The following SLC16A7 variants were observed in gnomAD, a reference collection of about 807,000 sequenced individuals.
SLC16A7 encodes monocarboxylate transporter 2.
SLC16A7 carries 33 observed loss-of-function variants against 34.9 expected under a neutral mutation model. That is an observed-to-expected ratio of 0.94 (90% CI 0.72 to 1.26). SLC16A7 has a LOEUF of 1.26. Among genes scored for constraint, SLC16A7 ranks in the 50% most tolerant of loss-of-function variants. The pLI, the probability that SLC16A7 is intolerant of heterozygous loss-of-function variation, is 0.00. For synonymous variants in SLC16A7, 201 were observed against 206.6 expected (o/e 0.97, Z 0.23); for missense variants, 573 against 578.1 (o/e 0.99, Z 0.09).
chr12:59,704,465 G>A (rs1002151893), intron 2 of SLC16A7, among the ~76,000 whole-genome samples: 1 of 152,070 alleles, frequency 6.6e-6, no homozygotes, highest in African/African-American at 2.4e-5. Context: ...TTAGAGCTAT[G>A]ACTGATGTAT....
intron 2 of SLC16A7, chr12:59,664,593 T>C (rs1303041833): frequency 6.6e-6 from 1 of 152,134 alleles, no homozygotes; most frequent in Non-Finnish European, 1.5e-5. Flanking sequence ...AATCACGCAA[T>C]GGAAAATGTG....
intron 3 of SLC16A7, among the ~76,000 whole-genome samples, chr12:59,755,135 C>T (rs928767625): frequency 6.6e-6 from 1 of 152,142 alleles, no homozygotes; most frequent in South Asian, 2.1e-4. Flanking sequence ...ATGACAAACC[C>T]ACAGCCAATA....
chr12:59,709,442 G>A (rs1238399453), intron 3 of SLC16A7, among the ~76,000 whole-genome samples: 2 of 151,370 alleles, frequency 1.3e-5, no homozygotes, highest in Non-Finnish European at 2.9e-5. Flanking sequence ...GCAGGTTGGT[G>A]GTCATAATGT....
At chr12:59,602,692 C>T (rs575689771) in intron 1 of SLC16A7, among the ~76,000 whole-genome samples, 2 of 152,016 alleles carry the variant, frequency 1.3e-5, no homozygotes, top group East Asian at 3.9e-4. Flanking sequence ...ACCATATTGG[C>T]CAGGCTGGTC....
At chr12:59,707,042 C>T (rs1351144580) in intron 3 of SLC16A7, among the ~76,000 whole-genome samples, 5 of 152,098 alleles carry the variant, frequency 3.3e-5, no homozygotes. Flanking sequence ...TATTCCATCA[C>T]CCAAGGCTTT....
intron 2 of SLC16A7, among the ~76,000 whole-genome samples, chr12:59,703,526 A>C (rs903202876): frequency 6.6e-6 from 1 of 152,202 alleles, no homozygotes; most frequent in Non-Finnish European, 1.5e-5. Context: ...GACATGTAAA[A>C]TATATTTATA....
At chr12:59,685,075 T>C (rs1029922729) in intron 2 of SLC16A7, among the ~76,000 whole-genome samples, 21 of 152,190 alleles carry the variant, frequency 1.4e-4, no homozygotes, top group African/African-American at 5.1e-4. Context: ...AAGAGAAGTT[T>C]TTCTTTTCTC....
chr12:59,775,450 A>T lies in SLC16A7; in HGVS notation c.1155A>T (p.Pro385=). 6.2e-7 allele frequency: 1 copy of T among 1,613,738 alleles called. No individual in the cohort carries two copies. Among genetic ancestry groups the T allele is most frequent in the South Asian group, 1.1e-5 (1 of 91,038 alleles). ...TTGTCACAATTGTGGAGTGTGGCCC[A>T]GTTCTTCTTGGCCCTCCTCTTGCAG... ...VGLVTIVECG[P]VLLGPPLAGK... Residue 385 remains proline (P), a synonymous_variant, in exon 5 of 6, where the codon CCA becomes CCT. Coordinates refer to ENST00000547379, the MANE Select transcript of SLC16A7 (RefSeq NM_001270623.2).
At chr12:59,678,191 C>T (rs1180606021) in intron 2 of SLC16A7, among the ~76,000 whole-genome samples, 1 of 152,204 alleles carries the variant, frequency 6.6e-6, no homozygotes, top group Non-Finnish European at 1.5e-5. Flanking sequence ...TCTCTCTTCT[C>T]TCCTTCTTAT....
chr12:59,672,871 T>A (rs924536461), intron 2 of SLC16A7, among the ~76,000 whole-genome samples: 5 of 152,190 alleles, frequency 3.3e-5, no homozygotes, highest in Admixed American at 3.3e-4. Flanking sequence ...CAAAGAGCTT[T>A]ATTTGTATTC....
intron 2 of SLC16A7, among the ~76,000 whole-genome samples, chr12:59,675,819 T>C (rs1870264425): frequency 6.6e-6 from 1 of 152,142 alleles, no homozygotes; most frequent in Non-Finnish European, 1.5e-5. Flanking sequence ...CCTGATGTTA[T>C]TTAGCACTTC....
rs138825186 is a variant in SLC16A7 at position 59,610,092 on chromosome 12, T to G, written c.-130+13856T>G. ...TCCAAAATCCATATTTTCCCTTATA[T>G]TACATGTTTTCTTCCGAGGTAGAGT... On this transcript the variant is annotated intron_variant, in intron 1 of 5. Transcript: ENST00000547379. Among the ~76,000 whole-genome samples the G allele has an allele frequency of 5.8e-3, 888 of 152,300 alleles. 6 individuals are homozygous for G. Among genetic ancestry groups the G allele is most frequent in the African/African-American group, 0.02 (851 of 41,562 alleles).
intron 1 of SLC16A7, among the ~76,000 whole-genome samples, chr12:59,627,725 C>G (rs17122751): frequency 0.039 from 5,851 of 151,424 alleles, 361 homozygotes; most frequent in African/African-American, 0.13. Flanking sequence ...TATTGAAACC[C>G]CTTCTTTTTC....
At chr12:59,687,180 T>G (rs935501774) in intron 2 of SLC16A7, among the ~76,000 whole-genome samples, 4 of 152,000 alleles carry the variant, frequency 2.6e-5, no homozygotes, top group African/African-American at 7.2e-5. Context: ...CTGAGTGTCT[T>G]AACTTGAGAA....
At chr12:59,711,028 C>T (rs977398198) in intron 3 of SLC16A7, among the ~76,000 whole-genome samples, 2 of 152,188 alleles carry the variant, frequency 1.3e-5, no homozygotes, top group African/African-American at 4.8e-5. Flanking sequence ...CCTCATATTT[C>T]AGCTCAAATT....
intron 3 of SLC16A7, among the ~76,000 whole-genome samples, chr12:59,765,187 T>C (rs1325821986): frequency 2.0e-5 from 3 of 152,222 alleles, no homozygotes; most frequent in Non-Finnish European, 2.9e-5. Context: ...TTGTTTGTTT[T>C]TTTCTTGTAA....
chr12:59,678,629 C>G (rs574287971), intron 2 of SLC16A7, among the ~76,000 whole-genome samples: 2 of 152,132 alleles, frequency 1.3e-5, no homozygotes, highest in Non-Finnish European at 2.9e-5. Context: ...GAAGTGCCTC[C>G]TGATTGGCTC....
chr12:59,728,018 T>C lies in SLC16A7; in HGVS notation c.217+23000T>C, dbSNP rs139822972. Among the ~76,000 whole-genome samples, 4 of 152,226 alleles carry C rather than the reference T, an allele frequency of 2.6e-5. No homozygotes were observed. In the East Asian group the frequency reaches 5.8e-4, roughly 22 times the overall value. ...ATAGAGTCTTAGCCATAAGCCAGTA[T>C]GAAGAGGTGAGTAGAGACCCAGGTT... is the stretch of plus-strand genomic sequence containing the variant. On this transcript the variant is annotated intron_variant, in intron 3 of 5. Transcript: ENST00000547379.
At chr12:59,664,171 A>G (rs181555482) in intron 2 of SLC16A7, among the ~76,000 whole-genome samples, 173 of 152,276 alleles carry the variant, frequency 1.1e-3, no homozygotes, top group African/African-American at 3.6e-3. Context: ...CATAATGTCT[A>G]TCATGTATCA....
Sources: allele counts gnomAD v4.1 joint callset (sites outside exome capture counted in the v4.1 genomes callset), GRCh38; gene constraint gnomAD v4.1.1; transcripts MANE v1.5; gene names NCBI Gene and HGNC (gene_info 2026-07-23, HGNC 2026-07-21).